The following VWF variants were observed in gnomAD, a reference collection of about 807,000 sequenced individuals.
The protein encoded by VWF is von Willebrand factor.
VWF carries 176 observed loss-of-function variants against 308.6 expected under a neutral mutation model. That is an observed-to-expected ratio of 0.57 (90% CI 0.50 to 0.65). The LOEUF is 0.65. Among genes scored for constraint, VWF ranks in the 30% least tolerant of loss-of-function variants. VWF has a pLI of 0.00. For missense variants in VWF, 3,146 were observed against 3,648.2 expected (o/e 0.86, Z 3.55); for synonymous variants, 1,385 against 1,443.4 (o/e 0.96, Z 0.92).
chr12:5,968,013 G>A (rs181377486), intron 46 of VWF, 114 bp downstream of exon 46: 2 of 1,434,870 alleles, frequency 1.4e-6, no homozygotes, highest in Non-Finnish European at 9.7e-7. Flanking sequence ...AGCTGGGGTT[G>A]GGTCTCTCTG....
In VWF at chr12:5,985,594, G is replaced by C; in HGVS notation, c.6870C>G (p.Asn2290Lys). The change falls in exon 39 of 52, where the codon AAC becomes AAG. Residue 2290 changes from asparagine to lysine, a missense_variant. Coordinates refer to ENST00000261405, the MANE Select transcript of VWF (RefSeq NM_000552.5). ...ICTCLSGRKV[N>K]CTTQPCPTAK... ...CCGTGGGGCAGGGCTGCGTTGTGCA[G>C]TTGACCTTCCGCCCGCTGAGGCATG... is the stretch of plus-strand genomic sequence containing the variant. 1 of 1,614,136 alleles carries C rather than the reference G, an allele frequency of 6.2e-7. No individual in the cohort carries two copies. Among genetic ancestry groups the C allele is most frequent in the South Asian group, 1.1e-5 (1 of 91,088 alleles).
At chr12:5,960,362 T>C (rs988984289) in intron 47 of VWF, among the ~76,000 whole-genome samples, 2 of 152,146 alleles carry the variant, frequency 1.3e-5, no homozygotes, top group Non-Finnish European at 2.9e-5. Flanking sequence ...GAATTTTATA[T>C]ATAAATCTTT....
rs59452591 is a variant in VWF at position 5,973,584 on chromosome 12, C to T, written c.7438-1875G>A. ...TGCGGGTTGTACCAGCCTAACAGGA[C>T]GAGCTCTGGGCTCGGGTCAGGACCC... is the stretch of plus-strand genomic sequence containing the variant. On this transcript the variant is annotated intron_variant, in intron 43 of 51. Coordinates refer to ENST00000261405, the MANE Select transcript of VWF (RefSeq NM_000552.5). Among the ~76,000 whole-genome samples, 860 of 152,244 alleles carry T rather than the reference C, an allele frequency of 5.6e-3. 14 individuals carry two copies. Among genetic ancestry groups the T allele is most frequent in the African/African-American group, 0.02 (813 of 41,540 alleles).
At chr12:5,998,510 T>A (rs1329803718) in intron 34 of VWF, among the ~76,000 whole-genome samples, 34 of 58,834 alleles carry the variant, frequency 5.8e-4, no homozygotes, top group East Asian at 1.1e-3. Flanking sequence ...TATATATATA[T>A]ATATATATAT....
chr12:6,086,949 G>A (rs1220583698), intron 6 of VWF, among the ~76,000 whole-genome samples: 1 of 152,196 alleles, frequency 6.6e-6, no homozygotes, highest in Non-Finnish European at 1.5e-5. Flanking sequence ...CTGGGAGGAA[G>A]AGGAATCACA....
chr12:5,983,379 G>A (rs1943630862), intron 40 of VWF, 125 bp from the exon 41 acceptor site: 1 of 809,694 alleles, frequency 1.2e-6, no homozygotes, highest in South Asian at 1.5e-5. Context: ...GATGATGATG[G>A]AGACAGAGAT....
intron 43 of VWF, among the ~76,000 whole-genome samples, chr12:5,975,866 C>A (rs1204949688): frequency 6.6e-6 from 1 of 152,134 alleles, no homozygotes; most frequent in Non-Finnish European, 1.5e-5. Flanking sequence ...CAGCCCTAAC[C>A]CCCTCCCTCT....
intron 40 of VWF, among the ~76,000 whole-genome samples, chr12:5,984,530 G>C (rs185501549): frequency 2.1e-4 from 32 of 152,384 alleles, no homozygotes; most frequent in Admixed American, 1.3e-3. Context: ...ACACTGGACA[G>C]GACTGGGACA....
rs968174694 is a variant in VWF at position 6,060,007 on chromosome 12, C to T, written c.1534-1963G>A. Among the ~76,000 whole-genome samples, 1 of 152,050 alleles carries T rather than the reference C, an allele frequency of 6.6e-6. No homozygotes were observed. The highest frequency in any genetic ancestry group is 2.4e-5 in the African/African-American group (1 of 41,366). ...CCCCAAAGGCGTTTTCATTCACCCCCACCAAGCCAGCCATCACTCCCATGT... is the reference window on the plus strand; with the variant it reads ...CCCCAAAGGCGTTTTCATTCACCCCTACCAAGCCAGCCATCACTCCCATGT... On this transcript the variant is annotated intron_variant, in intron 13 of 51. Transcript: ENST00000261405. The surrounding 1 kb of genome is among the most constrained non-coding windows in gnomAD (Gnocchi z 5.1).
In VWF at chr12:6,024,399, T is replaced by C. The variant is rs1944167177; in HGVS notation, c.3223-612A>G. ...TATGACAGAAAATGAATTCAGACAC[T>C]GAGTGGGTCATTGTTTCCAAGACGT... On this transcript the variant is annotated intron_variant, in intron 24 of 51. Coordinates refer to ENST00000261405, the MANE Select transcript of VWF (RefSeq NM_000552.5). This position sits in a 1 kb window ranked among gnomAD's most constrained non-coding sequence, Gnocchi z 4.0. 6.6e-6 allele frequency among the ~76,000 whole-genome samples: 1 copy of C among 152,224 alleles called. No individual in the cohort carries two copies. Among genetic ancestry groups the C allele is most frequent in the Admixed American group, 6.5e-5 (1 of 15,280 alleles).
intron 47 of VWF, among the ~76,000 whole-genome samples, chr12:5,960,175 T>C (rs1229640236): frequency 6.6e-6 from 1 of 151,060 alleles, no homozygotes; most frequent in African/African-American, 2.4e-5. Context: ...TTAGAAATAA[T>C]AGAAGGTTTA....
At chr12:6,113,073 C>G (rs1278862317) in intron 3 of VWF, among the ~76,000 whole-genome samples, 1 of 151,936 alleles carries the variant, frequency 6.6e-6, no homozygotes, top group African/African-American at 2.4e-5. Context: ...GTCCATAAAC[C>G]ACATTCTGCG....
At chr12:6,105,075 G>T (rs1815330918) in intron 5 of VWF, among the ~76,000 whole-genome samples, 1 of 152,180 alleles carries the variant, frequency 6.6e-6, no homozygotes, top group African/African-American at 2.4e-5. Context: ...TAGAATGATA[G>T]ATATTGGAGA....
chr12:5,986,614 A>G (rs1442481593), intron 38 of VWF, among the ~76,000 whole-genome samples: 1 of 151,984 alleles, frequency 6.6e-6, no homozygotes, highest in African/African-American at 2.4e-5. Context: ...CCTTCCCCCA[A>G]AGTGCCCTGC....
At chr12:5,966,131 T>C (rs1236258523) in intron 47 of VWF, among the ~76,000 whole-genome samples, 1 of 152,146 alleles carries the variant, frequency 6.6e-6, no homozygotes, top group African/African-American at 2.4e-5. Flanking sequence ...CAGGCTGGCA[T>C]TGAGGTGGGC....
chr12:6,052,673 C>T lies in VWF; in HGVS notation c.2056G>A (p.Gly686Ser). The T allele has an allele frequency of 6.2e-7, 1 of 1,614,218 alleles. No individual in the cohort carries two copies. The highest frequency in any genetic ancestry group is 1.1e-5 in the South Asian group (1 of 91,084). The change falls in exon 16 of 52, where the codon GGC becomes AGC. Residue 686 changes from glycine to serine, a missense_variant. Coordinates refer to ENST00000261405, the MANE Select transcript of VWF (RefSeq NM_000552.5). ...DEECNEACLEGCFCPPGLYMD... is the reference protein window; with the variant it reads ...DEECNEACLESCFCPPGLYMD... Reference sequence around the variant, plus strand: ...TAGAGCCCTGGGGGGCAGAAGCAGCCCTCCAGGCAGGCCTCATTGCATTCC... The same window carrying T: ...TAGAGCCCTGGGGGGCAGAAGCAGCTCTCCAGGCAGGCCTCATTGCATTCC...
chr12:6,013,421 T>C (rs1591858843), intron 32 of VWF, 60 bp downstream of exon 32: 3 of 1,605,454 alleles, frequency 1.9e-6, no homozygotes, highest in African/African-American at 2.7e-5. Context: ...TTTGTTTCTT[T>C]GGCGGGTTTA....
intron 27 of VWF, 90 bp downstream of exon 27, chr12:6,021,810 A>C: frequency 6.7e-7 from 1 of 1,500,646 alleles, no homozygotes; most frequent in Non-Finnish European, 9.3e-7. Flanking sequence ...TCATGTGGCT[A>C]GGACTTTTTA....
intron 47 of VWF, among the ~76,000 whole-genome samples, chr12:5,958,229 A>G (rs1943271546): frequency 6.6e-6 from 1 of 152,258 alleles, no homozygotes; most frequent in Non-Finnish European, 1.5e-5. Context: ...CCCCAACCAT[A>G]TCAATAATTA....
Sources: allele counts gnomAD v4.1 joint callset (sites outside exome capture counted in the v4.1 genomes callset), GRCh38; gene constraint gnomAD v4.1.1; non-coding constraint Gnocchi (gnomAD v3.1); transcripts MANE v1.5; gene names NCBI Gene and HGNC (gene_info 2026-07-23, HGNC 2026-07-21).